The following MYO7B variants were observed in gnomAD, a reference collection of about 807,000 sequenced individuals.
MYO7B encodes the protein unconventional myosin-VIIb.
Under a neutral mutation model 259.7 loss-of-function variants are expected in MYO7B, and 212 were observed. The observed-to-expected ratio is 0.82, with a 90% CI of 0.73 to 0.91. The LOEUF is 0.91. Among genes scored for constraint, MYO7B ranks in the 40% least tolerant of loss-of-function variants. The pLI, the probability that MYO7B is intolerant of heterozygous loss-of-function variation, is 0.00. For missense variants in MYO7B, 2,732 were observed against 2,813.5 expected (o/e 0.97, Z 0.66); for synonymous variants, 1,197 against 1,166.4 (o/e 1.03, Z -0.54).
chr2:127,622,435 A>C (rs753532240), intron 28 of MYO7B, among the ~76,000 whole-genome samples: 5 of 152,138 alleles, frequency 3.3e-5, no homozygotes, highest in Non-Finnish European at 7.4e-5. Flanking sequence ...GGCAGTAGTC[A>C]CACCATGGTT....
In MYO7B at chr2:127,609,538, G is replaced by A. The variant is rs1680293930; in HGVS notation, c.2847G>A (p.Glu949=). Residue 949 remains glutamate (E), a synonymous_variant, in exon 23 of 48, where the codon GAG becomes GAA. Coordinates refer to ENST00000409816, the MANE Select transcript of MYO7B (RefSeq NM_001393586.1). The surrounding 1 kb of genome is among the most constrained non-coding windows in gnomAD (Gnocchi z 6.9). The part of the protein sequence containing the change: ...DLESKTQKLL[E]VDLDTVPMAE... ...AATCGAAGACCCAGAAGCTGCTTGA[G>A]GTTGACCTGGACACAGTCCCCATGG... 2 of 1,613,798 alleles carry A rather than the reference G, an allele frequency of 1.2e-6. No individual in the cohort carries two copies. The highest frequency in any genetic ancestry group is 1.3e-5 in the African/African-American group (1 of 75,060).
rs1355816070 is a variant in MYO7B, at chr2:127,608,682, G to A, written c.2644-26G>A. The A allele has an allele frequency of 3.8e-6, 6 of 1,597,276 alleles. No homozygotes were observed. In the South Asian group the frequency reaches 4.5e-5, roughly 12 times the overall value. On this transcript the variant is annotated intron_variant, in intron 21 of 47. Coordinates refer to ENST00000409816, the MANE Select transcript of MYO7B (RefSeq NM_001393586.1). ...CCCCTGAGCCCTGCTGGGCCCCTGG[G>A]TAACCTTCCTCCACGGGGTATGCAG... is the stretch of plus-strand genomic sequence containing the variant.
chr2:127,634,336 G>T (rs1335000347), intron 41 of MYO7B, 47 bp downstream of exon 41: 3 of 1,411,914 alleles, frequency 2.1e-6, no homozygotes, highest in East Asian at 2.5e-5. Flanking sequence ...CGGGCAGTGA[G>T]CGAGGCCCTA....
chr2:127,544,799 C>T (rs1474645852), intron 1 of MYO7B, among the ~76,000 whole-genome samples: 1 of 152,096 alleles, frequency 6.6e-6, no homozygotes, highest in Non-Finnish European at 1.5e-5. Context: ...CCAGGATGGT[C>T]TCGATCTCCT....
intron 7 of MYO7B, among the ~76,000 whole-genome samples, chr2:127,574,350 A>C (rs1479317460): frequency 6.6e-6 from 1 of 152,194 alleles, no homozygotes; most frequent in Non-Finnish European, 1.5e-5. Flanking sequence ...AGCCTGGCCA[A>C]CATGACAAAA....
chr2:127,538,462 C>T (rs902336568), intron 1 of MYO7B, among the ~76,000 whole-genome samples: 2 of 152,114 alleles, frequency 1.3e-5, no homozygotes, highest in African/African-American at 2.4e-5. Flanking sequence ...GCTACCATAT[C>T]GGACAGTGCA....
chr2:127,630,732 C>T lies in MYO7B; in HGVS notation c.4807-46C>T, dbSNP rs541250165. 6.8e-6 allele frequency: 11 copies of T among 1,605,864 alleles called. No individual in the cohort carries two copies. The Admixed American group carries it at 1.2e-4, about 17-fold the overall frequency. On this transcript the variant is annotated intron_variant, in intron 35 of 47. Coordinates refer to ENST00000409816, the MANE Select transcript of MYO7B (RefSeq NM_001393586.1). ...CGGGAGGAGCCTGCAGGAAGGGCCT[C>T]ATGGGCGGTGGCTCCTGGGCACCCA...
intron 1 of MYO7B, among the ~76,000 whole-genome samples, chr2:127,545,463 G>A (rs1002129885): frequency 1.3e-5 from 2 of 152,222 alleles, no homozygotes; most frequent in African/African-American, 4.8e-5. Context: ...TCAGTTGGGG[G>A]ACATTGGGAA....
At position 127,581,891 on chromosome 2, in the gene MYO7B, G is replaced by T; in HGVS notation, c.1081G>T (p.Val361Leu). 1 of 1,613,662 alleles carries T rather than the reference G, an allele frequency of 6.2e-7. No individual in the cohort carries two copies. The highest frequency in any genetic ancestry group is 1.3e-5 in the African/African-American group (1 of 75,054). ...AFPTVMKLLE[V>L]QHQELRDCLI... ...ACGCAGCCCCCACCTGCCTCCCCAG[G>T]TGCAGCACCAGGAGCTCCGGGACTG... Residue 361 changes from valine to leucine, a missense_variant and splice_region_variant, in exon 11 of 48, where the codon GTG becomes TTG. Coordinates refer to ENST00000409816, the MANE Select transcript of MYO7B (RefSeq NM_001393586.1).
chr2:127,576,561 T>C lies in MYO7B; in HGVS notation c.736-34T>C, dbSNP rs1010568187. ...CCTGAGGCCTCAGGGGAATGGCTCATGAATCTGTCTGGAATGCCCTCCCTC... is the reference window on the plus strand; with the variant it reads ...CCTGAGGCCTCAGGGGAATGGCTCACGAATCTGTCTGGAATGCCCTCCCTC... On this transcript the variant is annotated intron_variant, in intron 7 of 47. Coordinates refer to ENST00000409816, the MANE Select transcript of MYO7B (RefSeq NM_001393586.1). The surrounding 1 kb of genome is among the most constrained non-coding windows in gnomAD (Gnocchi z 4.9). The C allele has an allele frequency of 2.8e-6, 4 of 1,419,446 alleles. No individual in the cohort carries two copies. The highest frequency in any genetic ancestry group is 3.9e-6 in the Non-Finnish European group (4 of 1,023,488). The allele number at this position is 1,419,446 out of a possible 1,614,324, so 87.9% of individuals were successfully genotyped here.
intron 31 of MYO7B, 147 bp downstream of exon 31, chr2:127,625,682 C>G (rs1174836847): frequency 3.3e-6 from 3 of 921,506 alleles, no homozygotes; most frequent in Non-Finnish European, 4.6e-6. Context: ...TTAAGTAGAG[C>G]CCTGTCCCTT....
In MYO7B at chr2:127,577,688, G is replaced by A. The variant is rs1678928983; in HGVS notation, c.850-445G>A. Among the ~76,000 whole-genome samples the A allele has an allele frequency of 6.6e-6, 1 of 152,228 alleles. No homozygotes were observed. Among genetic ancestry groups the A allele is most frequent in the South Asian group, 2.1e-4 (1 of 4,832 alleles). ...AAGCCTTTCTCCACCTCTCGATAGG[G>A]CTGGCCCCGGCCCCTGTGGTCTGGG... On this transcript the variant is annotated intron_variant, in intron 8 of 47. Coordinates refer to ENST00000409816, the MANE Select transcript of MYO7B (RefSeq NM_001393586.1). This position sits in a 1 kb window ranked among gnomAD's most constrained non-coding sequence, Gnocchi z 5.2.
chr2:127,623,098 G>T (rs1353811531), intron 28 of MYO7B, 104 bp from the exon 29 acceptor site: 4 of 1,371,550 alleles, frequency 2.9e-6, no homozygotes, highest in Non-Finnish European at 4.0e-6. Context: ...GGGATGGCAA[G>T]CAGGGCCCAT....
Position 127,633,365 on chromosome 2 carries a change from T to G in MYO7B, c.5511+2T>G. On this transcript the variant is annotated splice_donor_variant, in intron 40 of 47. Transcript: ENST00000409816. LOFTEE classifies it high-confidence loss of function. ...TACTTCCCCAATGACACCAGTGAGGTGAGGCCCTGCTCTGGTCTGCACGGC... is the reference window on the plus strand; with the variant it reads ...TACTTCCCCAATGACACCAGTGAGGGGAGGCCCTGCTCTGGTCTGCACGGC... The G allele has an allele frequency of 6.2e-7, 1 of 1,612,086 alleles. No individual in the cohort carries two copies. Among genetic ancestry groups the G allele is most frequent in the Non-Finnish European group, 8.5e-7 (1 of 1,179,238 alleles).
At chr2:127,606,476 T>C (rs2105021598) in intron 20 of MYO7B, among the ~76,000 whole-genome samples, 1 of 152,370 alleles carries the variant, frequency 6.6e-6, no homozygotes, top group Non-Finnish European at 1.5e-5. Context: ...ACCAATGGCA[T>C]GATAGTAGCT....
In MYO7B at chr2:127,578,155, G is replaced by T; in HGVS notation, c.872G>T (p.Gly291Val). The change falls in exon 9 of 48, where the codon GGG becomes GTG. Residue 291 changes from glycine to valine, a missense_variant. Physicochemically the swap from Gly to Val is moderately radical, Grantham distance 109 (BLOSUM62 -3). Transcript: ENST00000409816. ...CAGGGGAACTGCACTTCCTGTGAGG[G>T]GCTCAACGACGCCAAGGACTACGCC... ...LTMGNCTSCE[G>V]LNDAKDYAHI... 2 of 1,613,828 alleles carry T rather than the reference G, an allele frequency of 1.2e-6. No homozygotes were observed. Among genetic ancestry groups the T allele is most frequent in the Non-Finnish European group, 1.7e-6 (2 of 1,179,878 alleles).
At chr2:127,564,777 T>C in intron 3 of MYO7B, among the ~76,000 whole-genome samples, 1 of 152,222 alleles carries the variant, frequency 6.6e-6, no homozygotes, top group South Asian at 2.1e-4. Flanking sequence ...GAGAAGTTTC[T>C]AGGCTGTGGC....
chr2:127,584,277 C>T lies in MYO7B; in HGVS notation c.1499C>T (p.Ala500Val), dbSNP rs866876761. ...TDNRPTLDLL[A>V]LKPMSIISLL... ...AATCGGCCCACCCTGGACCTGCTGG[C>T]CCTCAAGCCCATGAGCATCATCTCC... Residue 500 changes from alanine (A) to valine (V), a missense_variant, in exon 13 of 48, where the codon GCC (alanine) becomes GTC (valine). By Grantham distance (64) the Ala-to-Val change is moderately conservative (BLOSUM62 0). This residue lies in a region of MYO7B where 1,906 missense variants were observed against 2,026.4 expected (regional missense o/e 0.94). Coordinates refer to ENST00000409816, the MANE Select transcript of MYO7B (RefSeq NM_001393586.1). This position sits in a 1 kb window ranked among gnomAD's most constrained non-coding sequence, Gnocchi z 5.8. 4.3e-6 allele frequency: 7 copies of T among 1,614,024 alleles called. No individual in the cohort carries two copies. Among genetic ancestry groups the T allele is most frequent in the Non-Finnish European group, 5.9e-6 (7 of 1,179,892 alleles).
chr2:127,554,910 T>C (rs1693581373), intron 1 of MYO7B, among the ~76,000 whole-genome samples: 1 of 152,196 alleles, frequency 6.6e-6, no homozygotes, highest in South Asian at 2.1e-4. Flanking sequence ...TGTCTTTCTG[T>C]GGTGTCAGTT....
Sources: gnomAD v4.1 joint callset for allele counts (sites outside exome capture counted in the v4.1 genomes callset) on GRCh38, gnomAD v4.1.1 for gene constraint, gnomAD v4.1.1 regional missense constraint, Gnocchi (gnomAD v3.1) non-coding constraint, MANE v1.5 for transcripts, NCBI Gene and HGNC (gene_info 2026-07-23, HGNC 2026-07-21) for gene names.